Variants in SALL4 observed in about 807,000 individuals in gnomAD.
The protein encoded by SALL4 is sal-like protein 4.
Under a neutral mutation model 60.8 loss-of-function variants are expected in SALL4, and 4 were observed. The ratio of observed to expected loss-of-function variants is 0.07; its 90% CI spans 0.03 to 0.15. The LOEUF (loss-of-function observed/expected upper bound fraction) is 0.15, where lower values mean the gene tolerates loss of function less well. Ranked by LOEUF, SALL4 falls within the 10% of genes least tolerant of loss-of-function variation. The pLI is 1.00. For synonymous variants in SALL4, 580 were observed against 574.9 expected, an observed-to-expected ratio of 1.01 and a Z score of -0.13; for missense variants, 1,178 against 1,394.7, an observed-to-expected ratio of 0.84 and a Z score of 2.48.
intron 3 of SALL4, among the ~76,000 whole-genome samples, chr20:51,786,187 C>T (rs2077991424): frequency 6.7e-6 from 1 of 149,770 alleles, no homozygotes; most frequent in East Asian, 2.0e-4. Context: ...CCCGGGTTCA[C>T]ACCATTCTCC....
In SALL4 at chr20:51,789,328, G is replaced by A. The variant is rs983023698; in HGVS notation, c.2462-187C>T. Among the ~76,000 whole-genome samples the A allele has an allele frequency of 6.1e-4, 92 of 151,756 alleles. 1 individual carries two copies. Among genetic ancestry groups the A allele is most frequent in the African/African-American group, 2.1e-3 (89 of 41,418 alleles). ...CAAAGAATAAAGCTTCAAATGCTTG[G>A]GAAAAGGTATCACTTTGGGTTTTTT... On this transcript the variant is annotated intron_variant, in intron 2 of 3. Coordinates refer to ENST00000217086, the MANE Select transcript of SALL4 (RefSeq NM_020436.5).
At position 51,801,855 on chromosome 20, in the gene SALL4, G is replaced by A. The variant is rs1383031379; in HGVS notation, c.130+424C>T. Among the ~76,000 whole-genome samples the A allele has an allele frequency of 6.6e-6, 1 of 151,770 alleles. No individual in the cohort carries two copies. The highest frequency in any genetic ancestry group is 6.6e-5 in the Admixed American group (1 of 15,262). Reference sequence around the variant, plus strand: ...AAAAGCCCCAAGGGGCTGGTGGAGAGGGTGGGGATCCCCCGGGGTTCTTTC... The same window carrying A: ...AAAAGCCCCAAGGGGCTGGTGGAGAAGGTGGGGATCCCCCGGGGTTCTTTC... On this transcript the variant is annotated intron_variant, in intron 1 of 3. Coordinates refer to ENST00000217086, the MANE Select transcript of SALL4 (RefSeq NM_020436.5). The surrounding 1 kb of genome is among the most constrained non-coding windows in gnomAD (Gnocchi z 5.2).
At chr20:51,799,397 C>G (rs1601177957) in intron 1 of SALL4, among the ~76,000 whole-genome samples, 1 of 152,234 alleles carries the variant, frequency 6.6e-6, no homozygotes, top group African/African-American at 2.4e-5. Flanking sequence ...AGGCATCAAC[C>G]TAACACTTCA....
Position 51,788,280 on chromosome 20 carries a change from C to G in SALL4, c.2742+581G>C, listed in dbSNP as rs1011381611. 6.6e-6 allele frequency among the ~76,000 whole-genome samples: 1 copy of G among 151,974 alleles called. No individual in the cohort carries two copies. Among genetic ancestry groups the G allele is most frequent in the Admixed American group, 6.6e-5 (1 of 15,238 alleles). On this transcript the variant is annotated intron_variant, in intron 3 of 3. Transcript: ENST00000217086. This position sits in a 1 kb window ranked among gnomAD's most constrained non-coding sequence, Gnocchi z 4.1. The stretch of plus-strand genomic sequence containing the variant: ...AAGTGGTCCTCCCACTTCAGCTTCC[C>G]AATTGGCGGGGACCCAAGCATGCAA...
rs759435865 is a variant in SALL4, at chr20:51,784,618, T to C, written c.2809A>G (p.Asn937Asp). Reference protein sequence around the residue: ...ARRGRKLAIENTMALLGTDGK... With the variant: ...ARRGRKLAIEDTMALLGTDGK... ...TCCGTACCTAACAGAGCCATGGTGT[T>C]CTCGATGGCCAACTTCCTTCCACGG... Residue 937 changes from asparagine (N) to aspartate (D), a missense_variant, in exon 4 of 4, where the codon AAC (asparagine) becomes GAC (aspartate). By Grantham distance (23) the Asn-to-Asp change is conservative. Coordinates refer to ENST00000217086, the MANE Select transcript of SALL4 (RefSeq NM_020436.5). 53 of 1,614,020 alleles carry C rather than the reference T, an allele frequency of 3.3e-5. No homozygotes were observed. Among genetic ancestry groups the C allele is most frequent in the Non-Finnish European group, 4.3e-5 (51 of 1,180,026 alleles).
In SALL4 at chr20:51,788,830, C is replaced by A; in HGVS notation, c.2742+31G>T. 1 of 1,612,346 alleles carries A rather than the reference C, an allele frequency of 6.2e-7. No homozygotes were observed. Among genetic ancestry groups the A allele is most frequent in the East Asian group, 2.2e-5 (1 of 44,884 alleles). Reference sequence around the variant, plus strand: ...ATAAGAAGACACCTGGTGCCTAGCCCCCATCCTGCTGAAAGCCCACACAAA... The same window carrying A: ...ATAAGAAGACACCTGGTGCCTAGCCACCATCCTGCTGAAAGCCCACACAAA... On this transcript the variant is annotated intron_variant, in intron 3 of 3. Transcript: ENST00000217086. This position sits in a 1 kb window ranked among gnomAD's most constrained non-coding sequence, Gnocchi z 4.1.
At chr20:51,789,383 A>G (rs2078018263) in intron 2 of SALL4, among the ~76,000 whole-genome samples, 1 of 152,008 alleles carries the variant, frequency 6.6e-6, no homozygotes. Flanking sequence ...ACATATAAAC[A>G]CATATGTAAT....
chr20:51,782,521 A>T lies in SALL4; in HGVS notation c.*1744T>A, dbSNP rs2077961603. On this transcript the variant is annotated 3_prime_UTR_variant, in exon 4 of 4. Coordinates refer to ENST00000217086, the MANE Select transcript of SALL4 (RefSeq NM_020436.5). ...ACAGGTACTATTATCGTGTTCACTT[A>T]CAATTCCAGAAGGAAAGGCACAACT... 1 of 146,500 alleles carries T rather than the reference A, an allele frequency of 6.8e-6. No individual in the cohort carries two copies. The highest frequency in any genetic ancestry group is 1.5e-5 in the Non-Finnish European group (1 of 67,108). 9.1% of individuals were successfully genotyped at this position (146,500 alleles called of 1,614,324 possible).
chr20:51,791,706 G>C lies in SALL4; in HGVS notation c.777C>G (p.Thr259=), dbSNP rs952596506. The C allele has an allele frequency of 3.4e-5, 55 of 1,614,084 alleles. No homozygotes were observed. The highest frequency in any genetic ancestry group is 4.4e-5 in the Non-Finnish European group (52 of 1,180,048). The change falls in exon 2 of 4, where the codon ACC becomes ACG. Residue 259 remains threonine, a synonymous_variant. Transcript: ENST00000217086. The surrounding 1 kb of genome is among the most constrained non-coding windows in gnomAD (Gnocchi z 4.6). Reference sequence around the variant, plus strand: ...CCTGCTGAGACATGTGGCTGCCCAAGGTCTTCAGAGTGTCGGCCCCTGCCC... The same window carrying C: ...CCTGCTGAGACATGTGGCTGCCCAACGTCTTCAGAGTGTCGGCCCCTGCCC... ...SSGAGADTLK[T]LGSHMSQQVS... is the part of the protein sequence containing the mutation.
At chr20:51,800,037 T>C (rs1271677209) in intron 1 of SALL4, among the ~76,000 whole-genome samples, 1 of 152,074 alleles carries the variant, frequency 6.6e-6, no homozygotes, top group Admixed American at 6.6e-5. Context: ...ACGCAGCCAT[T>C]AAAAACGCAC....
rs2078046121 is a variant in SALL4, at chr20:51,791,878, G to A, written c.605C>T (p.Pro202Leu). The A allele has an allele frequency of 1.2e-6, 2 of 1,614,148 alleles. No homozygotes were observed. Among genetic ancestry groups the A allele is most frequent in the South Asian group, 1.1e-5 (1 of 91,086 alleles). Reference protein sequence around the residue: ...AVNQRSADALPAPVPGANSIP... With the variant: ...AVNQRSADALLAPVPGANSIP... ...GCTGTTGGCACCAGGCACGGGGGCA[G>A]GGAGTGCATCCGCGCTCCGCTGATT... The change falls in exon 2 of 4, where the codon CCT becomes CTT. Residue 202 changes from proline to leucine, a missense_variant. Transcript: ENST00000217086. The surrounding 1 kb of genome is among the most constrained non-coding windows in gnomAD (Gnocchi z 4.6).
chr20:51,785,626 C>G (rs11905145), intron 3 of SALL4, among the ~76,000 whole-genome samples: 81,242 of 151,942 alleles, frequency 0.53, 22,614 homozygotes, highest in East Asian at 0.62. Context: ...ATCCAAGTGC[C>G]AGGGTTAACA....
intron 1 of SALL4, among the ~76,000 whole-genome samples, chr20:51,802,015 C>A (rs1450131674): frequency 2.0e-5 from 3 of 146,408 alleles, no homozygotes; most frequent in South Asian, 4.3e-4. Flanking sequence ...AACAGAGGAG[C>A]GAGTGGGGGT....
chr20:51,789,198 C>CTGA, intron 2 of SALL4, 57 bp from the exon 3 acceptor site: 1 of 1,593,600 alleles, frequency 6.3e-7, no homozygotes, highest in Non-Finnish European at 8.6e-7. Flanking sequence ...CATTCTTTCT[C>CTGA]TTCAAAGCAA....
chr20:51,793,724 C>G (rs969908851), intron 1 of SALL4, among the ~76,000 whole-genome samples: 2 of 152,204 alleles, frequency 1.3e-5, no homozygotes, highest in African/African-American at 4.8e-5. Flanking sequence ...CCACCGTGCC[C>G]AGCCAAAGCC....
intron 1 of SALL4, chr20:51,792,618 G>A (rs909609771): frequency 1.4e-5 from 8 of 576,634 alleles, no homozygotes; most frequent in Non-Finnish European, 1.9e-5. Context: ...GAACCCAGGA[G>A]GCAGAGGTTG....
rs1387367047 is a variant in SALL4 at position 51,784,635 on chromosome 20, C to A, written c.2792G>T (p.Arg931Met). The A allele has an allele frequency of 6.2e-7, 1 of 1,614,198 alleles. No homozygotes were observed. Among genetic ancestry groups the A allele is most frequent in the African/African-American group, 1.3e-5 (1 of 75,048 alleles). Residue 931 changes from arginine (R) to methionine (M), a missense_variant, in exon 4 of 4, where the codon AGG becomes ATG. Arg to Met is a moderately conservative substitution (Grantham distance 91). Coordinates refer to ENST00000217086, the MANE Select transcript of SALL4 (RefSeq NM_020436.5). The stretch of plus-strand genomic sequence containing the variant: ...CATGGTGTTCTCGATGGCCAACTTC[C>A]TTCCACGGCGGGCTGAGTTATTGTT... ...GANNNSARRGRKLAIENTMAL... is the reference protein window; with the variant it reads ...GANNNSARRGMKLAIENTMAL...
chr20:51,791,207 T>C lies in SALL4; in HGVS notation c.1276A>G (p.Lys426Glu). 6.2e-7 allele frequency: 1 copy of C among 1,613,706 alleles called. No homozygotes were observed. Among genetic ancestry groups the C allele is most frequent in the Non-Finnish European group, 8.5e-7 (1 of 1,179,680 alleles). ...TGGGGATGTCGGTGAAAGTGCACCT[T>C]GAGGTTGCCCTTGGTGGTGAAGCGA... ...GHRFTTKGNL[K>E]VHFHRHPQVK... The change falls in exon 2 of 4, where the codon AAG (lysine) becomes GAG (glutamate). Residue 426 changes from lysine (K) to glutamate (E), a missense_variant. By Grantham distance (56) the Lys-to-Glu change is moderately conservative. Coordinates refer to ENST00000217086, the MANE Select transcript of SALL4 (RefSeq NM_020436.5). The surrounding 1 kb of genome is among the most constrained non-coding windows in gnomAD (Gnocchi z 4.6).
chr20:51,801,864 TC>T lies in SALL4; in HGVS notation c.130+414del, dbSNP rs2078111860. Among the ~76,000 whole-genome samples the T allele has an allele frequency of 7.6e-6, 1 of 131,038 alleles. No individual in the cohort carries two copies. The highest frequency in any genetic ancestry group is 3.0e-5 in the African/African-American group (1 of 33,602). 86.0% of individuals were successfully genotyped at this position (131,038 alleles called of 152,430 possible). On this transcript the variant is annotated intron_variant, in intron 1 of 3. Coordinates refer to ENST00000217086, the MANE Select transcript of SALL4 (RefSeq NM_020436.5). This position sits in a 1 kb window ranked among gnomAD's most constrained non-coding sequence, Gnocchi z 5.2. ...AAGGGGCTGGTGGAGAGGGTGGGGA[TC>T]CCCCGGGGTTCTTTCTTTTGAGAGC...
Sources: allele counts gnomAD v4.1 joint callset (sites outside exome capture counted in the v4.1 genomes callset), GRCh38; gene constraint gnomAD v4.1.1; non-coding constraint Gnocchi (gnomAD v3.1); transcripts MANE v1.5; gene names NCBI Gene and HGNC (gene_info 2026-07-23, HGNC 2026-07-21).